Variants in ANKHD1 observed in about 807,000 individuals in gnomAD.
The protein encoded by ANKHD1 is ankyrin repeat and KH domain-containing protein 1.
A neutral mutation model predicts 230.5 loss-of-function variants in ANKHD1; 31 were observed. That is an observed-to-expected ratio of 0.13 (90% CI 0.10 to 0.18). The LOEUF (loss-of-function observed/expected upper bound fraction) is 0.18. Ranked by LOEUF, ANKHD1 falls within the 10% of genes least tolerant of loss-of-function variation. The probability of loss-of-function intolerance (pLI) is 1.00; values close to 1 mark genes in which losing one functional copy is unlikely to be tolerated. For synonymous variants in ANKHD1, 1,074 were observed against 1,117.6 expected, an observed-to-expected ratio of 0.96 and a Z score of 0.78; for missense variants, 2,256 against 3,071.3, an observed-to-expected ratio of 0.73 and a Z score of 6.27.
In ANKHD1 at chr5:140,539,767, C is replaced by A. The variant is rs1754219771; in HGVS notation, c.*349C>A. 1 of 181,798 alleles carries A rather than the reference C, an allele frequency of 5.5e-6. No homozygotes were observed. Among genetic ancestry groups the A allele is most frequent in the Non-Finnish European group, 1.2e-5 (1 of 86,720 alleles). The allele number at this position is 181,798 out of a possible 1,614,324, so 11.3% of individuals were successfully genotyped here. Reference sequence around the variant, plus strand: ...TAAAAGGAAAAAGTTGAGTAAATTTCTTGTCATATAGTGGCTCTACGTAAT... The same window carrying A: ...TAAAAGGAAAAAGTTGAGTAAATTTATTGTCATATAGTGGCTCTACGTAAT... On this transcript the variant is annotated 3_prime_UTR_variant, in exon 34 of 34. Transcript: ENST00000360839.
Position 140,486,977 on chromosome 5 carries a change from A to G in ANKHD1, c.2162A>G (p.His721Arg), listed in dbSNP as rs376079744. 19 of 1,613,238 alleles carry G rather than the reference A, an allele frequency of 1.2e-5. No homozygotes were observed. Among genetic ancestry groups the G allele is most frequent in the African/African-American group, 4.0e-5 (3 of 74,906 alleles). Residue 721 changes from histidine to arginine, a missense_variant, in exon 14 of 34, where the codon CAT (histidine) becomes CGT (arginine). Physicochemically the swap from His to Arg is conservative, Grantham distance 29 (BLOSUM62 0). Transcript: ENST00000360839. ...TTTTAGGTGCCACGTGTGCCAACGC[A>G]TACACTTGCCATGGTTGTACCTCCC... The part of the protein sequence containing the change: ...DQSQVPRVPT[H>R]TLAMVVPPQE...
Position 140,440,104 on chromosome 5 carries a change from T to C in ANKHD1, c.618-15T>C. On this transcript the variant is annotated splice_polypyrimidine_tract_variant and intron_variant, in intron 3 of 33. Coordinates refer to ENST00000360839, the MANE Select transcript of ANKHD1 (RefSeq NM_017747.3). ...CTTTTTGTTTCGGTTAATTGTTGAA[T>C]GGTTTTGTTTCCAGTCGCAGTCTAG... 1 of 1,578,738 alleles carries C rather than the reference T, an allele frequency of 6.3e-7. No individual in the cohort carries two copies. Among genetic ancestry groups the C allele is most frequent in the Non-Finnish European group, 8.6e-7 (1 of 1,163,416 alleles).
At chr5:140,403,913 A>T (rs557890306) in intron 1 of ANKHD1, among the ~76,000 whole-genome samples, 1 of 152,284 alleles carries the variant, frequency 6.6e-6, no homozygotes, top group East Asian at 1.9e-4. Context: ...TGCAGTTAGT[A>T]TACTGTCTTA....
chr5:140,450,995 T>C lies in ANKHD1; in HGVS notation c.1242+1690T>C, dbSNP rs149862497. ...TGGTGAAACCCCATCTCTACTAAAATACAAAAATTAGCCAGGCGTGGTAGT... is the reference window on the plus strand; with the variant it reads ...TGGTGAAACCCCATCTCTACTAAAACACAAAAATTAGCCAGGCGTGGTAGT... On this transcript the variant is annotated intron_variant, in intron 7 of 33. Coordinates refer to ENST00000360839, the MANE Select transcript of ANKHD1 (RefSeq NM_017747.3). 4.7e-4 allele frequency among the ~76,000 whole-genome samples: 71 copies of C among 151,896 alleles called. No individual in the cohort carries two copies. The East Asian group carries it at 0.013, about 28-fold the overall frequency.
chr5:140,538,644 T>C (rs1754179515), intron 32 of ANKHD1, among the ~76,000 whole-genome samples: 1 of 152,248 alleles, frequency 6.6e-6, no homozygotes, highest in Non-Finnish European at 1.5e-5. Context: ...AACTAAAATA[T>C]GGGAAAGTTG....
chr5:140,477,661 G>A (rs1463958882), intron 10 of ANKHD1, among the ~76,000 whole-genome samples: 1 of 152,156 alleles, frequency 6.6e-6, no homozygotes, highest in African/African-American at 2.4e-5. Context: ...CACCAGGCTG[G>A]AGTGCAGTGG....
intron 5 of ANKHD1, 22 bp from the exon 6 acceptor site, chr5:140,445,720 T>C: frequency 1.3e-6 from 2 of 1,549,748 alleles, no homozygotes; most frequent in East Asian, 2.3e-5. Flanking sequence ...TCATGTATTA[T>C]ATTTCTTCTT....
Position 140,402,190 on chromosome 5 carries a change from C to T in ANKHD1, c.223C>T (p.Leu75=), listed in dbSNP as rs750056985. ...CGGTACGGGCGGAGGGGACGCGGCG[C>T]TGGATTTCAAGTTGGCGGCTGCCGT... ...GSGTGGGDAA[L]DFKLAAAVLR... The change falls in exon 1 of 34, where the codon CTG becomes TTG. Residue 75 remains leucine (L), a synonymous_variant. Coordinates refer to ENST00000360839, the MANE Select transcript of ANKHD1 (RefSeq NM_017747.3). 7 of 1,524,112 alleles carry T rather than the reference C, an allele frequency of 4.6e-6. No homozygotes were observed. In the Admixed American group the frequency reaches 1.0e-4, roughly 23 times the overall value. The allele number at this position is 1,524,112 out of a possible 1,614,324, so 94.4% of individuals were successfully genotyped here.
chr5:140,472,165 A>T, intron 10 of ANKHD1: 1 of 1,303,016 alleles, frequency 7.7e-7, no homozygotes, highest in East Asian at 2.3e-5. Flanking sequence ...AGTATCGGTC[A>T]CAAGGTCTTC....
chr5:140,427,135 C>T (rs1323689824), intron 1 of ANKHD1, among the ~76,000 whole-genome samples: 5 of 150,760 alleles, frequency 3.3e-5, no homozygotes, highest in East Asian at 2.0e-4. Flanking sequence ...GGCGGCTGGC[C>T]GGGCAGGGGG....
intron 1 of ANKHD1, among the ~76,000 whole-genome samples, chr5:140,414,522 T>C (rs764767860): frequency 3.2e-4 from 48 of 152,300 alleles, no homozygotes; most frequent in Middle Eastern, 3.4e-3. Context: ...TCAAATCCAT[T>C]GTACATTTAA....
chr5:140,425,567 G>GT (rs1772341704), intron 1 of ANKHD1, among the ~76,000 whole-genome samples: 1 of 148,910 alleles, frequency 6.7e-6, no homozygotes, highest in African/African-American at 2.5e-5. Flanking sequence ...CCTCTTTTCT[G>GT]TTTTTTGAGA....
At chr5:140,456,331 G>A (rs1288861023) in intron 7 of ANKHD1, among the ~76,000 whole-genome samples, 1 of 152,180 alleles carries the variant, frequency 6.6e-6, no homozygotes, top group Non-Finnish European at 1.5e-5. Context: ...AGCTACCAAT[G>A]ACTTCCTTCA....
intron 1 of ANKHD1, among the ~76,000 whole-genome samples, chr5:140,431,130 C>T (rs1399816386): frequency 6.6e-6 from 1 of 152,116 alleles, no homozygotes; most frequent in Non-Finnish European, 1.5e-5. Context: ...CACATTGAGA[C>T]AGACATTTTT....
intron 1 of ANKHD1, among the ~76,000 whole-genome samples, chr5:140,406,437 AC>A (rs1770452458): frequency 6.6e-6 from 1 of 151,840 alleles, no homozygotes; most frequent in Non-Finnish European, 1.5e-5. Flanking sequence ...AGAGGAGTAG[AC>A]CCTCTAAGGA....
At chr5:140,450,175 T>TC (rs1220487188) in intron 7 of ANKHD1, among the ~76,000 whole-genome samples, 2 of 152,248 alleles carry the variant, frequency 1.3e-5, no homozygotes, top group Non-Finnish European at 2.9e-5. Context: ...ACGCATTTTT[T>TC]CAGATGTGAT....
intron 1 of ANKHD1, 150 bp from the exon 2 acceptor site, chr5:140,435,954 C>CAA: frequency 9.5e-7 from 1 of 1,057,392 alleles, no homozygotes; most frequent in Admixed American, 3.8e-5. Flanking sequence ...CAATGTCCTT[C>CAA]AAAGTCCATT....
Position 140,510,199 on chromosome 5 carries a change from A to G in ANKHD1, c.4104+18A>G, listed in dbSNP as rs1162752492. ...TTCGCAAGGTAATTTGATATGGGGG[A>G]AGAAAGGTCAATTTTAAGCCAATTC... On this transcript the variant is annotated intron_variant, in intron 22 of 33. Coordinates refer to ENST00000360839, the MANE Select transcript of ANKHD1 (RefSeq NM_017747.3). 1 of 1,579,330 alleles carries G rather than the reference A, an allele frequency of 6.3e-7. No homozygotes were observed. The highest frequency in any genetic ancestry group is 1.1e-5 in the South Asian group (1 of 86,990).
chr5:140,443,623 G>A (rs182453730), intron 5 of ANKHD1, among the ~76,000 whole-genome samples: 54 of 151,884 alleles, frequency 3.6e-4, no homozygotes, highest in African/African-American at 1.3e-3. Context: ...CCCAGGAGGC[G>A]GAGCTTGCAG....
Sources: allele counts gnomAD v4.1 joint callset (sites outside exome capture counted in the v4.1 genomes callset), GRCh38; gene constraint gnomAD v4.1.1; transcripts MANE v1.5; gene names NCBI Gene and HGNC (gene_info 2026-07-23, HGNC 2026-07-21).